GALNT2: variants seen among roughly 807,000 people sequenced by gnomAD.
GALNT2 encodes the protein UDP-GalNAc:polypeptide N-acetylgalactosaminyltransferase 2.
A neutral mutation model predicts 81.4 loss-of-function variants in GALNT2; 31 were observed. The observed-to-expected ratio is 0.38, with a 90% CI of 0.29 to 0.51. GALNT2 has a LOEUF of 0.51. Ranked by LOEUF, GALNT2 falls within the 20% of genes least tolerant of loss-of-function variation. The pLI is 0.87. For synonymous variants in GALNT2, 303 were observed against 287.4 expected (o/e 1.05, Z -0.55); for missense variants, 629 against 765.7 (o/e 0.82, Z 2.11).
At chr1:230,086,505 C>G (rs1162877893) in intron 1 of GALNT2, among the ~76,000 whole-genome samples, 5 of 152,178 alleles carry the variant, frequency 3.3e-5, no homozygotes, top group Non-Finnish European at 7.3e-5. Flanking sequence ...GAGATTGATG[C>G]TTTCTCCATT....
chr1:230,074,739 C>T (rs1360042591), intron 1 of GALNT2, among the ~76,000 whole-genome samples: 3 of 152,194 alleles, frequency 2.0e-5, no homozygotes, highest in Admixed American at 6.5e-5. Context: ...ACTTTCATGG[C>T]ACTCACTGTG....
intron 1 of GALNT2, among the ~76,000 whole-genome samples, chr1:230,172,949 G>A (rs948316416): frequency 3.9e-5 from 6 of 152,202 alleles, no homozygotes; most frequent in Admixed American, 1.3e-4. Flanking sequence ...GTAAGTAGAC[G>A]TCGCTCAGCC....
intron 1 of GALNT2, among the ~76,000 whole-genome samples, chr1:230,062,196 G>A (rs1659065870): frequency 6.6e-6 from 1 of 152,082 alleles, no homozygotes; most frequent in South Asian, 2.1e-4. Context: ...TGGACTCTTT[G>A]TAGATCTTTA....
At chr1:230,112,571 G>A (rs1225525661) in intron 1 of GALNT2, among the ~76,000 whole-genome samples, 1 of 152,174 alleles carries the variant, frequency 6.6e-6, no homozygotes, top group Non-Finnish European at 1.5e-5. Context: ...CTGCTGTGAG[G>A]GCCACTTCAA....
At chr1:230,180,733 C>T (rs926219913) in intron 2 of GALNT2, among the ~76,000 whole-genome samples, 1 of 152,192 alleles carries the variant, frequency 6.6e-6, no homozygotes, top group Admixed American at 6.5e-5. Context: ...TATTGTCTTA[C>T]TCCCCATGAA....
At chr1:230,149,606 G>T (rs1303949726) in intron 1 of GALNT2, among the ~76,000 whole-genome samples, 1 of 152,158 alleles carries the variant, frequency 6.6e-6, no homozygotes. Flanking sequence ...TTTAAAAACC[G>T]CCTGATTGGT....
intron 2 of GALNT2, among the ~76,000 whole-genome samples, chr1:230,197,748 C>T (rs569986158): frequency 5.3e-5 from 8 of 152,140 alleles, no homozygotes; most frequent in African/African-American, 1.2e-4. Context: ...GGATTTTGTG[C>T]TCTGTGTGTG....
rs1243371480 is a variant in GALNT2, at chr1:230,058,095, A to C, written n.89+17A>C. On this transcript the variant is annotated intron_variant and non_coding_transcript_variant, in intron 1 of 6. Transcript: ENST00000494106. Reference sequence around the variant, plus strand: ...GCTGACAGAGTAAGTAGAACTTCTCACTAAAGTACACGTATGTCCTTAAGT... The same window carrying C: ...GCTGACAGAGTAAGTAGAACTTCTCCCTAAAGTACACGTATGTCCTTAAGT... 3 of 456,142 alleles carry C rather than the reference A, an allele frequency of 6.6e-6. No homozygotes were observed. The Admixed American group carries it at 7.0e-5, about 11-fold the overall frequency. The allele number at this position is 456,142 out of a possible 1,614,324, so 28.3% of individuals were successfully genotyped here.
upstream of GALNT2, chr1:230,057,943 G>C (rs1343404731): frequency 6.8e-6 from 3 of 443,112 alleles, no homozygotes; most frequent in East Asian, 2.1e-4. Flanking sequence ...GGAGGATTCC[G>C]CTGGCTCCTT....
chr1:230,167,770 G>T lies in GALNT2; in HGVS notation c.127-10448G>T, dbSNP rs150964966. ...GGCTGCAGCCTGGCCGGCTGACGAG[G>T]CTGCCTCCTGCTGGCCTCCCTGCGG... is the stretch of plus-strand genomic sequence containing the variant. On this transcript the variant is annotated intron_variant, in intron 1 of 15. Coordinates refer to ENST00000366672, the MANE Select transcript of GALNT2 (RefSeq NM_004481.5). Among the ~76,000 whole-genome samples, 738 of 152,324 alleles carry T rather than the reference G, an allele frequency of 4.8e-3. 6 individuals are homozygous for T. Among genetic ancestry groups the T allele is most frequent in the African/African-American group, 0.017 (709 of 41,570 alleles).
chr1:230,255,524 T>C (rs183795909), intron 11 of GALNT2, 180 bp downstream of exon 11: 241 of 724,778 alleles, frequency 3.3e-4, no homozygotes, highest in Non-Finnish European at 5.1e-4. Flanking sequence ...CTGGGCGCCT[T>C]TCCAGGGCAT....
chr1:230,176,514 A>G (rs1359484709), intron 1 of GALNT2, among the ~76,000 whole-genome samples: 1 of 152,224 alleles, frequency 6.6e-6, no homozygotes, highest in Non-Finnish European at 1.5e-5. Flanking sequence ...ATCAGCCACA[A>G]TGCTACAATC....
chr1:230,153,985 T>A (rs1198373794), intron 1 of GALNT2, among the ~76,000 whole-genome samples: 1 of 152,252 alleles, frequency 6.6e-6, no homozygotes, highest in Non-Finnish European at 1.5e-5. Flanking sequence ...GGTGTCTACC[T>A]TATAAAGACT....
At chr1:230,213,131 T>G (rs1168036975) in intron 3 of GALNT2, among the ~76,000 whole-genome samples, 1 of 152,242 alleles carries the variant, frequency 6.6e-6, no homozygotes, top group Non-Finnish European at 1.5e-5. Context: ...GTTGTGTGAT[T>G]TGCTTTCTTT....
chr1:230,127,567 G>A (rs1661227012), intron 1 of GALNT2, among the ~76,000 whole-genome samples: 1 of 150,944 alleles, frequency 6.6e-6, no homozygotes, highest in Non-Finnish European at 1.5e-5. Flanking sequence ...GTAGAGGCAG[G>A]GTTTCACCAT....
intron 10 of GALNT2, among the ~76,000 whole-genome samples, chr1:230,253,404 A>G (rs1182471567): frequency 1.3e-5 from 2 of 152,148 alleles, no homozygotes; most frequent in Admixed American, 6.5e-5. Context: ...ACCTGTTGCC[A>G]TAACTAGGTT....
intron 1 of GALNT2, among the ~76,000 whole-genome samples, chr1:230,125,297 C>G (rs1005904902): frequency 2.6e-5 from 4 of 152,130 alleles, no homozygotes; most frequent in African/African-American, 9.7e-5. Context: ...TTGTACAGGC[C>G]AGAGAAGGGA....
intron 11 of GALNT2, among the ~76,000 whole-genome samples, chr1:230,256,225 G>A (rs1665710588): frequency 6.6e-6 from 1 of 152,108 alleles, no homozygotes; most frequent in South Asian, 2.1e-4. Context: ...GATCACCTGA[G>A]TTTGGGCAGA....
At chr1:230,251,048 G>GTTTT (rs955912437) in intron 10 of GALNT2, among the ~76,000 whole-genome samples, 1 of 152,176 alleles carries the variant, frequency 6.6e-6, no homozygotes, top group Admixed American at 6.5e-5. Context: ...CTGTTTGTTT[G>GTTTT]TTTTTTTGTT....
Sources: allele counts gnomAD v4.1 joint callset (sites outside exome capture counted in the v4.1 genomes callset), GRCh38; gene constraint gnomAD v4.1.1; transcripts MANE v1.5; gene names NCBI Gene and HGNC (gene_info 2026-07-23, HGNC 2026-07-21).